Variants in UBE3A observed in about 807,000 individuals in gnomAD.
UBE3A encodes the protein ubiquitin-protein ligase E3A.
UBE3A carries 6 observed loss-of-function variants against 83.4 expected under a neutral mutation model. The observed-to-expected ratio is 0.07, with a 90% CI of 0.04 to 0.14. The LOEUF (loss-of-function observed/expected upper bound fraction) is 0.14. UBE3A is among the 10% of genes least tolerant of loss of function. UBE3A has a pLI of 1.00. For synonymous variants in UBE3A, 337 were observed against 355.4 expected (o/e 0.95, Z 0.58); for missense variants, 456 against 1,036.1 (o/e 0.44, Z 7.69).
Position 25,371,107 on chromosome 15 carries a change from C to A in UBE3A, c.1067G>T (p.Arg356Leu). The stretch of plus-strand genomic sequence containing the variant: ...GGCATCATCATCATTCACTAGATTT[C>A]GACTGTTAAATTCATTGCTTATGAC... ...YKVISNEFNS[R>L]NLVNDDDAIV... Residue 356 changes from arginine to leucine, a missense_variant, in exon 6 of 13, where the codon CGA becomes CTA. Arg to Leu is a moderately radical substitution (Grantham distance 102). This residue lies in a region of UBE3A where 85 missense variants were observed against 137.0 expected (regional missense o/e 0.62). Transcript: ENST00000648336. This position sits in a 1 kb window ranked among gnomAD's most constrained non-coding sequence, Gnocchi z 5.3. The A allele has an allele frequency of 6.2e-7, 1 of 1,614,040 alleles. No homozygotes were observed. Among genetic ancestry groups the A allele is most frequent in the Non-Finnish European group, 8.5e-7 (1 of 1,179,998 alleles).
intron 1 of UBE3A, among the ~76,000 whole-genome samples, chr15:25,433,088 T>A (rs1025105556): frequency 2.0e-5 from 3 of 152,160 alleles, no homozygotes; most frequent in Admixed American, 1.3e-4. Flanking sequence ...ATACACTGAA[T>A]AATGTATCAC....
chr15:25,430,365 G>C (rs1300682630), intron 1 of UBE3A, among the ~76,000 whole-genome samples: 1 of 135,960 alleles, frequency 7.4e-6, no homozygotes, highest in Non-Finnish European at 1.5e-5. Flanking sequence ...TACTATTGTA[G>C]CAGGGCAATT....
chr15:25,355,156 C>T (rs1215762626), intron 9 of UBE3A, among the ~76,000 whole-genome samples: 2 of 152,020 alleles, frequency 1.3e-5, no homozygotes, highest in Non-Finnish European at 2.9e-5. Flanking sequence ...AAATGCCAAC[C>T]GTTTTAAGAG....
At position 25,356,903 on chromosome 15, in the gene UBE3A, G is replaced by A. The variant is rs1249887870; in HGVS notation, c.1754-7C>T. On this transcript the variant is annotated splice_region_variant and splice_polypyrimidine_tract_variant and intron_variant, in intron 7 of 12. Transcript: ENST00000648336. ...TCATCGTATGTGAACATACCTATAA[G>A]AAATGATTTTTAAAAATACATTACT... is the stretch of plus-strand genomic sequence containing the variant. 2 of 1,606,230 alleles carry A rather than the reference G, an allele frequency of 1.2e-6. No individual in the cohort carries two copies. Among genetic ancestry groups the A allele is most frequent in the East Asian group, 2.2e-5 (1 of 44,742 alleles).
At chr15:25,365,498 C>T (rs111321850) in intron 6 of UBE3A, among the ~76,000 whole-genome samples, 22,958 of 151,860 alleles carry the variant, frequency 0.15, 2,289 homozygotes, top group East Asian at 0.42. Flanking sequence ...CCTGTAATCC[C>T]GGCACTCTGG....
At chr15:25,395,078 G>A (rs1389848264) in intron 4 of UBE3A, among the ~76,000 whole-genome samples, 2 of 152,158 alleles carry the variant, frequency 1.3e-5, no homozygotes, top group South Asian at 2.1e-4. Context: ...AGTGAGGAAG[G>A]AAGCCACATG....
At chr15:25,341,783 C>CAA (rs60827150) in intron 11 of UBE3A, among the ~76,000 whole-genome samples, 932 of 81,606 alleles carry the variant, frequency 0.011, 13 homozygotes, top group Middle Eastern at 0.023. Flanking sequence ...AATTTCATCT[C>CAA]AAAAAAAAAA....
intron 11 of UBE3A, among the ~76,000 whole-genome samples, chr15:25,350,298 T>C (rs1036884982): frequency 6.8e-6 from 1 of 147,426 alleles, no homozygotes; most frequent in African/African-American, 2.5e-5. Context: ...CTTTGTCTCT[T>C]TAAAAAAAAA....
intron 1 of UBE3A, among the ~76,000 whole-genome samples, chr15:25,431,882 G>T (rs1893563169): frequency 6.6e-6 from 1 of 152,100 alleles, no homozygotes; most frequent in African/African-American, 2.4e-5. Flanking sequence ...CAATATTGGT[G>T]CATATAACCA....
intron 1 of UBE3A, among the ~76,000 whole-genome samples, chr15:25,426,329 T>C (rs995621813): frequency 2.0e-5 from 3 of 152,224 alleles, no homozygotes; most frequent in Admixed American, 1.3e-4. Flanking sequence ...ATCTGTACCA[T>C]ATAGTCCCAA....
rs1272359322 is a variant in UBE3A at position 25,371,988 on chromosome 15, A to C, written c.362-176T>G. ...AGCAAACAAAATTTAATGCTTACCT[A>C]TTTTTTTCAATGAACTACCTACCTA... On this transcript the variant is annotated intron_variant, in intron 5 of 12. Coordinates refer to ENST00000648336, the MANE Select transcript of UBE3A (RefSeq NM_130839.5). This position sits in a 1 kb window ranked among gnomAD's most constrained non-coding sequence, Gnocchi z 5.3. Among the ~76,000 whole-genome samples, 1 of 152,028 alleles carries C rather than the reference A, an allele frequency of 6.6e-6. No homozygotes were observed. Among genetic ancestry groups the C allele is most frequent in the East Asian group, 1.9e-4 (1 of 5,184 alleles).
At position 25,371,664 on chromosome 15, in the gene UBE3A, G is replaced by A; in HGVS notation, c.510C>T (p.His170=). 6.2e-7 allele frequency: 1 copy of A among 1,614,040 alleles called. No individual in the cohort carries two copies. ...GAAGAGATTTCAGTTCTTCCTTGGT[G>A]TGTTGTTTAACTTTCCGGAAGCTCT... ...LVQSFRKVKQ[H]TKEELKSLQA... is the part of the protein sequence containing the mutation. The change falls in exon 6 of 13, where the codon CAC becomes CAT. Residue 170 remains histidine (H), a synonymous_variant. Transcript: ENST00000648336. This position sits in a 1 kb window ranked among gnomAD's most constrained non-coding sequence, Gnocchi z 5.3.
At chr15:25,408,511 A>C in intron 3 of UBE3A, 1 of 1,378,166 alleles carries the variant, frequency 7.3e-7, no homozygotes, top group Non-Finnish European at 1.0e-6. Flanking sequence ...TAAATCTCAG[A>C]ATGAGAATCA....
chr15:25,369,929 A>T (rs2080029033), intron 6 of UBE3A, among the ~76,000 whole-genome samples: 1 of 152,130 alleles, frequency 6.6e-6, no homozygotes, highest in South Asian at 2.1e-4. Context: ...TAATCCCCAG[A>T]TTTTTGGAAT....
chr15:25,408,697 A>T (rs1406774575), intron 3 of UBE3A: 1 of 1,585,542 alleles, frequency 6.3e-7, no homozygotes, highest in South Asian at 1.2e-5. Context: ...AGGAGAGAAA[A>T]GTATACTAGT....
chr15:25,339,090 C>CA lies in UBE3A; in HGVS notation c.*46_*47insT. Reference sequence around the variant, plus strand: ...ATTTTTAAAATTTTTTAAATTTTTTCTTTTTTTTTCCTTCCTTTTTTTTGT... The same window carrying CA: ...ATTTTTAAAATTTTTTAAATTTTTTCATTTTTTTTTCCTTCCTTTTTTTTGT... On this transcript the variant is annotated 3_prime_UTR_variant, in exon 13 of 13. Transcript: ENST00000648336. The CA allele has an allele frequency of 6.8e-7, 1 of 1,461,892 alleles. No homozygotes were observed. The highest frequency in any genetic ancestry group is 2.5e-5 in the East Asian group (1 of 39,262). 90.6% of individuals were successfully genotyped at this position (1,461,892 alleles called of 1,614,324 possible).
intron 6 of UBE3A, among the ~76,000 whole-genome samples, chr15:25,361,404 G>A (rs190225242): frequency 1.3e-3 from 196 of 152,196 alleles, no homozygotes; most frequent in African/African-American, 4.5e-3. Flanking sequence ...GATTACAGGC[G>A]TGAGCAACTG....
intron 6 of UBE3A, among the ~76,000 whole-genome samples, chr15:25,365,058 A>G (rs542093303): frequency 2.0e-5 from 3 of 152,312 alleles, no homozygotes; most frequent in East Asian, 3.9e-4. Context: ...GGATATAATC[A>G]TATCTACCTC....
At chr15:25,412,685 T>C (rs2090208338) in intron 1 of UBE3A, among the ~76,000 whole-genome samples, 1 of 152,218 alleles carries the variant, frequency 6.6e-6, no homozygotes, top group African/African-American at 2.4e-5. Flanking sequence ...AGTCCTTTCA[T>C]GTACTGCATT....
Sources: allele counts gnomAD v4.1 joint callset (sites outside exome capture counted in the v4.1 genomes callset), GRCh38; gene constraint gnomAD v4.1.1; regional missense constraint gnomAD v4.1.1; non-coding constraint Gnocchi (gnomAD v3.1); transcripts MANE v1.5; gene names NCBI Gene and HGNC (gene_info 2026-07-23, HGNC 2026-07-21).